MYSM1: variants seen among roughly 807,000 people sequenced by gnomAD.
The protein encoded by MYSM1 is deubiquitinase MYSM1.
MYSM1 carries 51 observed loss-of-function variants against 116.0 expected under a neutral mutation model. The observed-to-expected ratio is 0.44, with a 90% CI of 0.35 to 0.56. MYSM1 has a LOEUF of 0.56. Ranked by LOEUF, MYSM1 falls within the 20% of genes least tolerant of loss-of-function variation. The pLI, the probability that MYSM1 is intolerant of heterozygous loss-of-function variation, is 0.00. For missense variants in MYSM1, 900 were observed against 974.9 expected (o/e 0.92, Z 1.02); for synonymous variants, 313 against 315.2 (o/e 0.99, Z 0.07).
At chr1:58,673,071 T>C (rs1644588047) in intron 11 of MYSM1, among the ~76,000 whole-genome samples, 1 of 152,224 alleles carries the variant, frequency 6.6e-6, no homozygotes, top group Admixed American at 6.5e-5. Context: ...TTATTATTAT[T>C]CACAATTCGT....
chr1:58,697,117 C>G (rs988425858), intron 1 of MYSM1, among the ~76,000 whole-genome samples: 6 of 152,112 alleles, frequency 3.9e-5, no homozygotes, highest in Non-Finnish European at 7.3e-5. Flanking sequence ...GATATTTAGA[C>G]AGAATCAACA....
chr1:58,666,638 C>T (rs12746851), intron 16 of MYSM1, among the ~76,000 whole-genome samples: 30,215 of 146,868 alleles, frequency 0.21, 3,316 homozygotes, highest in South Asian at 0.28. Flanking sequence ...TTTTGGAGGC[C>T]GAGGCGGGCC....
intron 12 of MYSM1, among the ~76,000 whole-genome samples, chr1:58,671,022 C>T (rs971871522): frequency 6.6e-6 from 1 of 152,170 alleles, no homozygotes; most frequent in South Asian, 2.1e-4. Flanking sequence ...AGTCTCACGA[C>T]AACTGTGTAA....
At chr1:58,668,377 T>C (rs1425755629) in intron 14 of MYSM1, 20 of 1,136,484 alleles carry the variant, frequency 1.8e-5, no homozygotes, top group Non-Finnish European at 2.1e-5. Flanking sequence ...CAGACACATA[T>C]ATTAGAAACT....
chr1:58,682,115 T>G lies in MYSM1; in HGVS notation c.929A>C (p.Glu310Ala), dbSNP rs1346416115. The G allele has an allele frequency of 3.7e-6, 6 of 1,613,918 alleles. No individual in the cohort carries two copies. Among genetic ancestry groups the G allele is most frequent in the Non-Finnish European group, 5.1e-6 (6 of 1,179,888 alleles). Residue 310 changes from glutamate (E) to alanine (A), a missense_variant, in exon 8 of 20, where the codon GAA (glutamate) becomes GCA (alanine). Physicochemically the swap from Glu to Ala is moderately radical, Grantham distance 107. This residue lies in a region of MYSM1 where 622 missense variants were observed against 623.7 expected (regional missense o/e 1.00). Coordinates refer to ENST00000472487, the MANE Select transcript of MYSM1 (RefSeq NM_001085487.3). ...TTCATTAAATTTCTGGTCATTTAAT[T>G]CAATTGATTTTTTGTCACCATTGCT... is the stretch of plus-strand genomic sequence containing the variant. ...KQSNGDKKSI[E>A]LNDQKFNELI...
At position 58,660,343 on chromosome 1, in the gene MYSM1, T is replaced by A. The variant is rs374099057; in HGVS notation, c.2329-188A>T. Among the ~76,000 whole-genome samples the A allele has an allele frequency of 1.5e-4, 23 of 152,274 alleles. No individual in the cohort carries two copies. In the South Asian group the frequency reaches 2.3e-3, roughly 15 times the overall value. ...GAGCTGGAATGTAGGAAATTGCTGC[T>A]GAGGAACACTCAGCTTAGTACTTTT... On this transcript the variant is annotated intron_variant, in intron 19 of 19. Coordinates refer to ENST00000472487, the MANE Select transcript of MYSM1 (RefSeq NM_001085487.3).
rs1234806273 is a variant in MYSM1, at chr1:58,682,109, T to C, written c.935A>G (p.Asn312Ser). The C allele has an allele frequency of 6.2e-7, 1 of 1,613,956 alleles. No homozygotes were observed. ...SNGDKKSIEL[N>S]DQKFNELIKN... ...AATCAATTCATTAAATTTCTGGTCA[T>C]TTAATTCAATTGATTTTTTGTCACC... Residue 312 changes from asparagine to serine, a missense_variant, in exon 8 of 20, where the codon AAT (asparagine) becomes AGT (serine). By Grantham distance (46) the Asn-to-Ser change is conservative (BLOSUM62 1). Around this residue, in one of 3 missense-constraint regions of MYSM1, gnomAD observed 622 missense variants for 623.7 expected, o/e 1.00. Coordinates refer to ENST00000472487, the MANE Select transcript of MYSM1 (RefSeq NM_001085487.3).
At chr1:58,695,306 GCAAA>G in intron 1 of MYSM1, 99 bp from the exon 2 acceptor site, 4 of 673,534 alleles carry the variant, frequency 5.9e-6, no homozygotes, top group Non-Finnish European at 1.0e-5. Flanking sequence ...AGGGAACTAA[GCAAA>G]TACTTAGTTC....
chr1:58,661,085 T>C, intron 19 of MYSM1, 85 bp downstream of exon 19: 1 of 958,030 alleles, frequency 1.0e-6, no homozygotes, highest in East Asian at 2.4e-5. Context: ...ATCCACAAAG[T>C]ATTAGGCATC....
At position 58,669,857 on chromosome 1, in the gene MYSM1, A is replaced by AAAAAAAAAC. The variant is rs1553135842; in HGVS notation, c.1662-820_1662-819insGTTTTTTTT. Among the ~76,000 whole-genome samples, 52 of 86,054 alleles carry AAAAAAAAAC rather than the reference A, an allele frequency of 6.0e-4. 10 individuals carry two copies. The highest frequency in any genetic ancestry group is 9.1e-4 in the Non-Finnish European group (40 of 44,104). 56.5% of individuals were successfully genotyped at this position (86,054 alleles called of 152,430 possible). On this transcript the variant is annotated intron_variant, in intron 12 of 19. Coordinates refer to ENST00000472487, the MANE Select transcript of MYSM1 (RefSeq NM_001085487.3). ...TCTCCAAAAAAAAAAAAAAAAAAAA[A>AAAAAAAAAC]AAAAACAAAAAAGTGAAAAAGTAAA...
At position 58,659,449 on chromosome 1, in the gene MYSM1, G is replaced by A. The variant is rs919580172; in HGVS notation, c.*548C>T. Reference sequence around the variant, plus strand: ...CTGGTAATTTAGTTCTCTCCTTTGGGTTTTTCCTGTTTTTAAGATTTTCTT... The same window carrying A: ...CTGGTAATTTAGTTCTCTCCTTTGGATTTTTCCTGTTTTTAAGATTTTCTT... On this transcript the variant is annotated 3_prime_UTR_variant, in exon 20 of 20. Transcript: ENST00000472487. 2 of 152,050 alleles carry A rather than the reference G, an allele frequency of 1.3e-5. No individual in the cohort carries two copies. The highest frequency in any genetic ancestry group is 4.8e-5 in the African/African-American group (2 of 41,396). 9.4% of individuals were successfully genotyped at this position (152,050 alleles called of 1,614,324 possible). A position where few individuals can be genotyped will look rare whatever the true frequency, so the allele number is the denominator to read the frequency against.
In MYSM1 at chr1:58,675,470, T is replaced by G. The variant is rs1254712709; in HGVS notation, c.1494+7A>C. On this transcript the variant is annotated splice_region_variant and intron_variant, in intron 10 of 19. Coordinates refer to ENST00000472487, the MANE Select transcript of MYSM1 (RefSeq NM_001085487.3). ...TGGAGAGATCACTGAGAGAGATGACTGCTTACCATAGACTGCAGACGCTGG... is the reference window on the plus strand; with the variant it reads ...TGGAGAGATCACTGAGAGAGATGACGGCTTACCATAGACTGCAGACGCTGG... 6.2e-7 allele frequency: 1 copy of G among 1,600,030 alleles called. No individual in the cohort carries two copies. The highest frequency in any genetic ancestry group is 2.2e-5 in the East Asian group (1 of 44,754).
rs1259123134 is a variant in MYSM1 at position 58,665,518 on chromosome 1, A to T, written c.2145T>A (p.Ile715=). 11 of 1,602,708 alleles carry T rather than the reference A, an allele frequency of 6.9e-6. No homozygotes were observed. In the South Asian group the frequency reaches 1.2e-4, roughly 18 times the overall value. Residue 715 remains isoleucine (I), a synonymous_variant, in exon 17 of 20, where the codon ATT becomes ATA. Transcript: ENST00000472487. ...ACTTACGATAAGAGCCATCTGGGCT[A>T]ATTTCCTCACTTATAACCAGGCAGG... ...QITCLVISEE[I]SPDGSYRLPY... is the part of the protein sequence containing the mutation.
Position 58,690,330 on chromosome 1 carries a change from T to C in MYSM1, c.296+10A>G, listed in dbSNP as rs1204390650. 3 of 1,593,572 alleles carry C rather than the reference T, an allele frequency of 1.9e-6. No individual in the cohort carries two copies. The highest frequency in any genetic ancestry group is 1.7e-6 in the Non-Finnish European group (2 of 1,171,576). ...TCCAGACTTTTAGAAATATTATAAA[T>C]TGATTTTACCTCTTCATGTATTTTT... On this transcript the variant is annotated intron_variant, in intron 4 of 19. Coordinates refer to ENST00000472487, the MANE Select transcript of MYSM1 (RefSeq NM_001085487.3).
At position 58,682,293 on chromosome 1, in the gene MYSM1, T is replaced by C. The variant is rs1344212172; in HGVS notation, c.751A>G (p.Asn251Asp). ...TGATTGGTTTCATGCATTTTACTATTAGGAAAGTCTAACAAGAGATCACTG... is the reference window on the plus strand; with the variant it reads ...TGATTGGTTTCATGCATTTTACTATCAGGAAAGTCTAACAAGAGATCACTG... ...SSSDLLLDFP[N>D]SKMHETNQGE... Residue 251 changes from asparagine (N) to aspartate (D), a missense_variant, in exon 8 of 20, where the codon AAT becomes GAT. By Grantham distance (23) the Asn-to-Asp change is conservative. This residue lies in a region of MYSM1 where 622 missense variants were observed against 623.7 expected (regional missense o/e 1.00). Coordinates refer to ENST00000472487, the MANE Select transcript of MYSM1 (RefSeq NM_001085487.3). 2 of 1,611,594 alleles carry C rather than the reference T, an allele frequency of 1.2e-6. No homozygotes were observed. The highest frequency in any genetic ancestry group is 1.7e-6 in the Non-Finnish European group (2 of 1,178,152).
rs773237401 is a variant in MYSM1 at position 58,700,040 on chromosome 1, C to T, written c.13G>A (p.Glu5Lys). The T allele has an allele frequency of 1.7e-5, 27 of 1,613,834 alleles. No individual in the cohort carries two copies. In the East Asian group the frequency reaches 5.1e-4, roughly 31 times the overall value. ...TCCCCTTCGATATCCACATCCGCCT[C>T]TTCAGCCGCCATGATGGGACCTGAC... MAAE[E>K]ADVDIEGDVV... Residue 5 changes from glutamate (E) to lysine (K), a missense_variant, in exon 1 of 20, where the codon GAG becomes AAG. By Grantham distance (56) the Glu-to-Lys change is moderately conservative. Transcript: ENST00000472487.
In MYSM1 at chr1:58,665,782, C is replaced by T. The variant is rs148342164; in HGVS notation, c.2032-151G>A. 91 of 596,192 alleles carry T rather than the reference C, an allele frequency of 1.5e-4. No individual in the cohort carries two copies. In the Middle Eastern group the frequency reaches 1.8e-3, roughly 12 times the overall value. The allele number at this position is 596,192 out of a possible 1,614,324, so 36.9% of individuals were successfully genotyped here. ...ACATCTGGCCCGGCACAGTGGCCCA[C>T]GCCTGTAATCCCAGCACTTTGGGAG... On this transcript the variant is annotated intron_variant, in intron 16 of 19. Transcript: ENST00000472487.
Position 58,685,268 on chromosome 1 carries a change from GGA to G in MYSM1, c.400-19_400-18del, listed in dbSNP as rs1569780915. The G allele has an allele frequency of 6.6e-7, 1 of 1,525,164 alleles. No homozygotes were observed. Among genetic ancestry groups the G allele is most frequent in the Non-Finnish European group, 8.9e-7 (1 of 1,126,320 alleles). The allele number at this position is 1,525,164 out of a possible 1,614,324, so 94.5% of individuals were successfully genotyped here. A position where few individuals can be genotyped will look rare whatever the true frequency, so the allele number is the denominator to read the frequency against. On this transcript the variant is annotated intron_variant, in intron 6 of 19. Coordinates refer to ENST00000472487, the MANE Select transcript of MYSM1 (RefSeq NM_001085487.3). ...AAATTTAGCCTGTATTATTAAAATG[GGA>G]AAAAAAATTGCTTTTGATGAATTTA...
At position 58,682,455 on chromosome 1, in the gene MYSM1, T is replaced by C; in HGVS notation, c.589A>G (p.Thr197Ala). Residue 197 changes from threonine to alanine, a missense_variant, in exon 8 of 20, where the codon ACA becomes GCA. Coordinates refer to ENST00000472487, the MANE Select transcript of MYSM1 (RefSeq NM_001085487.3). ...GCACGTCCCCTTAAACATGATGGTG[T>C]CCATGCCTTTGTCCCTTTATCTTCA... ...KNEDKGTKAW[T>A]PSCLRGRADP... The C allele has an allele frequency of 6.2e-7, 1 of 1,614,162 alleles. No homozygotes were observed. Among genetic ancestry groups the C allele is most frequent in the South Asian group, 1.1e-5 (1 of 91,082 alleles).
Sources: allele counts gnomAD v4.1 joint callset (sites outside exome capture counted in the v4.1 genomes callset), GRCh38; gene constraint gnomAD v4.1.1; regional missense constraint gnomAD v4.1.1; transcripts MANE v1.5; gene names NCBI Gene and HGNC (gene_info 2026-07-23, HGNC 2026-07-21).